PDE4A: variants seen among roughly 807,000 people sequenced by gnomAD.
The protein encoded by PDE4A is 3',5'-cyclic-AMP phosphodiesterase 4A.
A neutral mutation model predicts 73.9 loss-of-function variants in PDE4A; 21 were observed. The observed-to-expected ratio is 0.28, with a 90% confidence interval of 0.20 to 0.41. The LOEUF is 0.41. PDE4A is among the 10% of genes least tolerant of loss of function. The probability of loss-of-function intolerance (pLI) is 1.00; values close to 1 mark genes in which losing one functional copy is unlikely to be tolerated. For synonymous variants in PDE4A, 463 were observed against 505.4 expected (o/e 0.92, Z 1.13); for missense variants, 958 against 1,211.4 (o/e 0.79, Z 3.10).
At chr19:10,432,567 G>C in intron 1 of PDE4A, 5 of 1,522,604 alleles carry the variant, frequency 3.3e-6, no homozygotes, top group Non-Finnish European at 4.4e-6. Flanking sequence ...GGGCAGATCT[G>C]TCAGGTGGGT....
At position 10,449,136 on chromosome 19, in the gene PDE4A, C is replaced by A. The variant is rs370519251; in HGVS notation, c.606C>A (p.Pro202=). 2 of 1,613,562 alleles carry A rather than the reference C, an allele frequency of 1.2e-6. No homozygotes were observed. The highest frequency in any genetic ancestry group is 1.3e-5 in the African/African-American group (1 of 75,032). ...RSNFSLLTNV[P]VPSNKRSPLG... is the part of the protein sequence containing the mutation. Reference sequence around the variant, plus strand: ...ACTTCTCACTCCTGACCAATGTGCCCGTTCCCAGTAACAAGTAAGTGAAGG... The same window carrying A: ...ACTTCTCACTCCTGACCAATGTGCCAGTTCCCAGTAACAAGTAAGTGAAGG... Residue 202 remains proline, a synonymous_variant, in exon 4 of 15, where the codon CCC becomes CCA. Transcript: ENST00000380702.
Position 10,431,664 on chromosome 19 carries a change from C to T in PDE4A, c.320+10580C>T, listed in dbSNP as rs764617302. Among the ~76,000 whole-genome samples, 9 of 152,186 alleles carry T rather than the reference C, an allele frequency of 5.9e-5. 1 individual carries two copies. In the South Asian group the frequency reaches 6.2e-4, roughly 10 times the overall value. On this transcript the variant is annotated intron_variant, in intron 1 of 14. Coordinates refer to ENST00000380702, the MANE Select transcript of PDE4A (RefSeq NM_001111307.2). ...CACTGGCTGGCCCTGGGGGCTTCTC[C>T]GGGTCCTCAGCCTCCCCCTCTTCCA...
At chr19:10,452,376 G>A (rs1373270278) in intron 6 of PDE4A, among the ~76,000 whole-genome samples, 2 of 151,756 alleles carry the variant, frequency 1.3e-5, no homozygotes, top group Non-Finnish European at 2.9e-5. Flanking sequence ...GGCGGAGGTT[G>A]TGGTGAGCCG....
intron 1 of PDE4A, among the ~76,000 whole-genome samples, chr19:10,423,496 C>A (rs1430426377): frequency 1.3e-5 from 2 of 152,092 alleles, no homozygotes; most frequent in Non-Finnish European, 2.9e-5. Flanking sequence ...CTCACACAAC[C>A]AGGAGATGGG....
At chr19:10,425,489 G>A (rs1190166923) in intron 1 of PDE4A, among the ~76,000 whole-genome samples, 1 of 152,236 alleles carries the variant, frequency 6.6e-6, no homozygotes, top group Admixed American at 6.5e-5. Flanking sequence ...AATGACATCA[G>A]CAGAGAGAAA....
rs1288547001 is a variant in PDE4A at position 10,421,012 on chromosome 19, G to A, written c.248G>A (p.Arg83His). Residue 83 changes from arginine to histidine, a missense_variant, in exon 1 of 15, where the codon CGC becomes CAC. Coordinates refer to ENST00000380702, the MANE Select transcript of PDE4A (RefSeq NM_001111307.2). ...GACCGGCCCGGCCTGCGCACGACCC[G>A]CATGTCCTGGCCCTCGTCCTTCCAT... ...TSDRPGLRTT[R>H]MSWPSSFHGT... 5 of 1,504,086 alleles carry A rather than the reference G, an allele frequency of 3.3e-6. 1 individual carries two copies. In the Middle Eastern group the frequency reaches 5.5e-4, roughly 165 times the overall value. 93.2% of individuals were successfully genotyped at this position (1,504,086 alleles called of 1,614,324 possible). A position where few individuals can be genotyped will look rare whatever the true frequency, so the allele number is the denominator to read the frequency against.
At chr19:10,457,059 G>A (rs1436876852) in intron 7 of PDE4A, among the ~76,000 whole-genome samples, 1 of 151,804 alleles carries the variant, frequency 6.6e-6, no homozygotes, top group Non-Finnish European at 1.5e-5. Flanking sequence ...TTAGCCGGGC[G>A]CGGTGGCGGG....
chr19:10,425,002 A>G (rs984499510), intron 1 of PDE4A, among the ~76,000 whole-genome samples: 1 of 152,192 alleles, frequency 6.6e-6, no homozygotes, highest in African/African-American at 2.4e-5. Context: ...TGGGCGGATC[A>G]CGAATGAGGT....
Position 10,448,969 on chromosome 19 carries a change from A to G in PDE4A, c.549+16A>G. The G allele has an allele frequency of 1.9e-6, 3 of 1,613,380 alleles. No homozygotes were observed. On this transcript the variant is annotated intron_variant, in intron 3 of 14. Transcript: ENST00000380702. ...ATTTGCTCAGGTGAGACCTCTTCCC[A>G]AATGGTTAAGGAGAGAAGGGGCTCC...
At position 10,467,245 on chromosome 19, in the gene PDE4A, A is replaced by C; in HGVS notation, c.2285A>C (p.Glu762Ala). The change falls in exon 15 of 15, where the codon GAA (glutamate) becomes GCA (alanine). Residue 762 changes from glutamate (E) to alanine (A), a missense_variant. Physicochemically the swap from Glu to Ala is moderately radical, Grantham distance 107. Coordinates refer to ENST00000380702, the MANE Select transcript of PDE4A (RefSeq NM_001111307.2). ...GCATCCCCGGCCCAGGAGTCGTTGG[A>C]AGTTATGGCACAGGAAGCATCCCTG... ...WEASPAQESL[E>A]VMAQEASLEA... The C allele has an allele frequency of 6.2e-7, 1 of 1,614,036 alleles. No homozygotes were observed. Among genetic ancestry groups the C allele is most frequent in the Non-Finnish European group, 8.5e-7 (1 of 1,179,986 alleles).
rs1351566218 is a variant in PDE4A, at chr19:10,461,578, C to T, written c.1518C>T (p.His506=). The change falls in exon 12 of 15, where the codon CAC becomes CAT. Residue 506 remains histidine, a synonymous_variant. Coordinates refer to ENST00000380702, the MANE Select transcript of PDE4A (RefSeq NM_001111307.2). ...ATGAGTCGGTGCTCGAGAATCACCA[C>T]CTGGCCGTGGGCTTCAAGCTGCTGC... ...YNDESVLENH[H]LAVGFKLLQE... The T allele has an allele frequency of 5.6e-6, 9 of 1,614,006 alleles. No individual in the cohort carries two copies. Among genetic ancestry groups the T allele is most frequent in the Admixed American group, 3.3e-5 (2 of 59,988 alleles).
chr19:10,422,084 G>A (rs552647252), intron 1 of PDE4A, among the ~76,000 whole-genome samples: 3 of 152,290 alleles, frequency 2.0e-5, no homozygotes, highest in African/African-American at 7.2e-5. Flanking sequence ...CAGGGTGACT[G>A]TGGCCTCATG....
At chr19:10,431,037 C>T (rs1341761940) in intron 1 of PDE4A, 2 of 1,578,002 alleles carry the variant, frequency 1.3e-6, no homozygotes, top group Non-Finnish European at 1.7e-6. Flanking sequence ...ACGCCTTCGG[C>T]TTCTCCGCAG....
chr19:10,430,823 G>A, intron 1 of PDE4A: 1 of 1,063,020 alleles, frequency 9.4e-7, no homozygotes, highest in Non-Finnish European at 1.1e-6. Flanking sequence ...AGCGCCCGCC[G>A]AGGCGGGGCC....
At position 10,450,858 on chromosome 19, in the gene PDE4A, A is replaced by G; in HGVS notation, c.700A>G (p.Thr234Ala). Residue 234 changes from threonine to alanine, a missense_variant, in exon 6 of 15, where the codon ACT (threonine) becomes GCT (alanine). Thr to Ala is a moderately conservative substitution (Grantham distance 58). Around this residue, in one of 3 missense-constraint regions of PDE4A, gnomAD observed 570 missense variants for 827.7 expected, o/e 0.69. Coordinates refer to ENST00000380702, the MANE Select transcript of PDE4A (RefSeq NM_001111307.2). Reference protein sequence around the residue: ...EETCQQLARETLEELDWCLEQ... With the variant: ...EETCQQLAREALEELDWCLEQ... ...AACGTGTCAGCAGTTGGCCCGGGAG[A>G]CTCTGGAGGAGCTGGACTGGTGTCT... 1 of 1,611,516 alleles carries G rather than the reference A, an allele frequency of 6.2e-7. No homozygotes were observed. Among genetic ancestry groups the G allele is most frequent in the South Asian group, 1.1e-5 (1 of 90,388 alleles).
At chr19:10,457,091 G>A (rs1053135188) in intron 7 of PDE4A, among the ~76,000 whole-genome samples, 2 of 152,124 alleles carry the variant, frequency 1.3e-5, no homozygotes, top group East Asian at 1.9e-4. Context: ...TCAGCTACTC[G>A]GGAGGCTGAG....
chr19:10,463,102 G>GT (rs34214178), intron 13 of PDE4A, among the ~76,000 whole-genome samples: 15,532 of 143,196 alleles, frequency 0.11, 933 homozygotes, highest in Non-Finnish European at 0.14. Flanking sequence ...TCTGTTTTTG[G>GT]TTTTTTTTTT....
intron 1 of PDE4A, among the ~76,000 whole-genome samples, chr19:10,437,966 C>T (rs2042887346): frequency 6.6e-6 from 1 of 151,086 alleles, no homozygotes; most frequent in Non-Finnish European, 1.5e-5. Context: ...CATCATCATG[C>T]CTTGCTAATT....
chr19:10,420,877 G>C lies in PDE4A; in HGVS notation c.113G>C (p.Arg38Pro), dbSNP rs1346189979. ...PPPQHLWRQP[R>P]TPIRIQQRGY... The stretch of plus-strand genomic sequence containing the variant: ...CCGCAGCACCTGTGGCGGCAGCCTC[G>C]GACCCCCATCCGTATCCAGCAGCGC... The change falls in exon 1 of 15, where the codon CGG becomes CCG. Residue 38 changes from arginine (R) to proline (P), a missense_variant. Physicochemically the swap from Arg to Pro is moderately radical, Grantham distance 103. This residue lies in a region of PDE4A where 145 missense variants were observed against 137.8 expected (regional missense o/e 1.05). Transcript: ENST00000380702. The surrounding 1 kb of genome is among the most constrained non-coding windows in gnomAD (Gnocchi z 6.0). 6.3e-6 allele frequency: 10 copies of C among 1,589,468 alleles called. No individual in the cohort carries two copies. Among genetic ancestry groups the C allele is most frequent in the Non-Finnish European group, 8.5e-6 (10 of 1,176,096 alleles).
Sources: allele counts gnomAD v4.1 joint callset (sites outside exome capture counted in the v4.1 genomes callset), GRCh38; gene constraint gnomAD v4.1.1; regional missense constraint gnomAD v4.1.1; non-coding constraint Gnocchi (gnomAD v3.1); transcripts MANE v1.5; gene names NCBI Gene and HGNC (gene_info 2026-07-23, HGNC 2026-07-21).